Variants in IL1RAPL2 observed in about 807,000 individuals in gnomAD.
IL1RAPL2 encodes interleukin 1 receptor accessory protein like 2, also known as X-linked interleukin-1 receptor accessory protein-like 2.
IL1RAPL2 carries 3 observed loss-of-function variants against 44.1 expected under a neutral mutation model. The ratio of observed to expected loss-of-function variants is 0.07; its 90% CI spans 0.03 to 0.18. The LOEUF is 0.18. Ranked by LOEUF, IL1RAPL2 falls within the 10% of genes least tolerant of loss-of-function variation. The pLI, the probability that IL1RAPL2 is intolerant of heterozygous loss-of-function variation, is 1.00. For synonymous variants in IL1RAPL2, 181 were observed against 178.8 expected, an observed-to-expected ratio of 1.01 and a Z score of -0.10; for missense variants, 391 against 496.4, an observed-to-expected ratio of 0.79 and a Z score of 2.02.
chrX:105,073,226 G>T (rs1396703687), intron 2 of IL1RAPL2, among the ~76,000 whole-genome samples: 12 of 73,712 alleles, frequency 1.6e-4, no homozygotes, highest in South Asian at 9.2e-4. Context: ...CCCAGTGTGT[G>T]ATGTTCCCCT....
chrX:105,047,935 G>C (rs2031863397), intron 2 of IL1RAPL2, among the ~76,000 whole-genome samples: 1 of 111,675 alleles, frequency 9.0e-6, no homozygotes, highest in South Asian at 3.8e-4. Flanking sequence ...AAGAGAGATA[G>C]AAAGAAATGG....
At chrX:104,944,768 A>G (rs1288902137) in intron 2 of IL1RAPL2, among the ~76,000 whole-genome samples, 1 of 111,300 alleles carries the variant, frequency 9.0e-6, no homozygotes, top group African/African-American at 3.3e-5. Flanking sequence ...GGATTTTTTA[A>G]TCTAATAATT....
At chrX:105,245,709 A>G (rs1254581894) in intron 4 of IL1RAPL2, among the ~76,000 whole-genome samples, 1 of 112,653 alleles carries the variant, frequency 8.9e-6, no homozygotes, top group Non-Finnish European at 1.9e-5. Context: ...TTGTCACAGA[A>G]ATGTGGAGTC....
intron 7 of IL1RAPL2, among the ~76,000 whole-genome samples, chrX:105,728,607 G>A (rs1011770383): frequency 2.7e-5 from 3 of 111,163 alleles, no homozygotes; most frequent in African/African-American, 9.8e-5. Flanking sequence ...GAAGAGTTGA[G>A]CAGAAAGTAC....
At chrX:104,827,493 C>A (rs1397548605) in intron 2 of IL1RAPL2, among the ~76,000 whole-genome samples, 1 of 111,782 alleles carries the variant, frequency 8.9e-6, no homozygotes, top group African/African-American at 3.3e-5. Context: ...CAGAGAGATC[C>A]ACTGTTAGTC....
At chrX:105,527,652 A>G (rs764930097) in intron 6 of IL1RAPL2, among the ~76,000 whole-genome samples, 60 of 111,254 alleles carry the variant, frequency 5.4e-4, no homozygotes, top group Non-Finnish European at 1.0e-3. Flanking sequence ...TATATGAGAT[A>G]TCGACCTTTG....
rs771812025 is a variant in IL1RAPL2 at position 105,328,208 on chromosome X, C to T, written c.697+60667C>T. On this transcript the variant is annotated intron_variant, in intron 5 of 10. Transcript: ENST00000372582. ...TCCCTTTGTCAAATTCTTTTCTGAA[C>T]CTAGGAGGAAGTTGTAACAGTCCTC... is the stretch of plus-strand genomic sequence containing the variant. Among the ~76,000 whole-genome samples the T allele has an allele frequency of 1.1e-4, 12 of 111,988 alleles. No individual in the cohort carries two copies. In the South Asian group the frequency reaches 4.5e-3, roughly 42 times the overall value.
At chrX:104,865,515 G>A (rs1053600563) in intron 2 of IL1RAPL2, among the ~76,000 whole-genome samples, 1 of 111,477 alleles carries the variant, frequency 9.0e-6, no homozygotes, top group African/African-American at 3.3e-5. Context: ...GCAAAGTATT[G>A]TTCCTGGGTG....
rs921677242 is a variant in IL1RAPL2, at chrX:104,901,469, C to G, written c.82+242474C>G. ...CTCGTGATCCGCCCGCCTCAGCCTC[C>G]CAGAGTGCTGGGATTACAGGGGTGA... On this transcript the variant is annotated intron_variant, in intron 2 of 10. Transcript: ENST00000372582. Among the ~76,000 whole-genome samples the G allele has an allele frequency of 3.6e-5, 4 of 109,739 alleles. No homozygotes were observed. In the Admixed American group the frequency reaches 3.9e-4, roughly 11 times the overall value.
intron 1 of IL1RAPL2, among the ~76,000 whole-genome samples, chrX:104,610,441 A>T (rs1485513976): frequency 1.8e-5 from 2 of 112,083 alleles, no homozygotes; most frequent in African/African-American, 6.5e-5. Flanking sequence ...AAGTCTCAGG[A>T]TACAAAATCA....
At chrX:104,989,305 A>G (rs1040094231) in intron 2 of IL1RAPL2, among the ~76,000 whole-genome samples, 6 of 111,622 alleles carry the variant, frequency 5.4e-5, no homozygotes, top group African/African-American at 2.0e-4. Context: ...CTGTACTTCT[A>G]GTCCCAAAGA....
intron 2 of IL1RAPL2, among the ~76,000 whole-genome samples, chrX:104,918,739 A>C (rs1924539075): frequency 8.9e-6 from 1 of 112,117 alleles, no homozygotes; most frequent in Admixed American, 9.5e-5. Context: ...AATGGAGTAA[A>C]ATTAACGGAG....
chrX:105,386,687 G>A (rs1236240080), intron 5 of IL1RAPL2, among the ~76,000 whole-genome samples: 3 of 111,420 alleles, frequency 2.7e-5, no homozygotes, highest in Non-Finnish European at 3.8e-5. Context: ...CTACCCTCCC[G>A]AAACTCTAGT....
At chrX:105,348,367 C>T (rs1602369529) in intron 5 of IL1RAPL2, among the ~76,000 whole-genome samples, 2 of 111,662 alleles carry the variant, frequency 1.8e-5, no homozygotes, top group Middle Eastern at 9.4e-3. Flanking sequence ...ACTTTAACCT[C>T]TCCATTTTCC....
chrX:104,851,737 A>G (rs1922230429), intron 2 of IL1RAPL2, among the ~76,000 whole-genome samples: 1 of 111,555 alleles, frequency 9.0e-6, no homozygotes, highest in African/African-American at 3.3e-5. Flanking sequence ...ACAAGAAAAC[A>G]GACTTATTTA....
At chrX:105,336,160 C>T (rs764532367) in intron 5 of IL1RAPL2, among the ~76,000 whole-genome samples, 7 of 112,066 alleles carry the variant, frequency 6.2e-5, no homozygotes, top group Non-Finnish European at 1.3e-4. Flanking sequence ...GATCAGAGAG[C>T]CATTCGGCTC....
chrX:104,887,139 G>A (rs1407011964), intron 2 of IL1RAPL2, among the ~76,000 whole-genome samples: 1 of 112,200 alleles, frequency 8.9e-6, no homozygotes, highest in African/African-American at 3.2e-5. Context: ...GGAATCACCG[G>A]CTTTTGCCAA....
chrX:105,159,195 A>G (rs1272022064), intron 2 of IL1RAPL2, among the ~76,000 whole-genome samples: 7 of 112,871 alleles, frequency 6.2e-5, no homozygotes, highest in African/African-American at 2.3e-4. Flanking sequence ...AAAGCTAATA[A>G]GAAGTGGATC....
At chrX:105,080,852 T>C (rs1305927593) in intron 2 of IL1RAPL2, among the ~76,000 whole-genome samples, 1 of 112,012 alleles carries the variant, frequency 8.9e-6, no homozygotes, top group Non-Finnish European at 1.9e-5. Context: ...TCCATGAGCA[T>C]AGAATGTTTT....
Sources: allele counts gnomAD v4.1 joint callset (sites outside exome capture counted in the v4.1 genomes callset), GRCh38; gene constraint gnomAD v4.1.1; transcripts MANE v1.5; gene names NCBI Gene and HGNC (gene_info 2026-07-23, HGNC 2026-07-21).